Variants in DNM2 observed in about 807,000 individuals in gnomAD.
DNM2 encodes dynamin 2.
In DNM2, 15 loss-of-function variants were observed where a neutral mutation model predicts 99.0. The observed-to-expected ratio is 0.15, with a 90% CI of 0.10 to 0.23. The LOEUF (loss-of-function observed/expected upper bound fraction) is 0.23. Among genes scored for constraint, DNM2 ranks in the 10% least tolerant of loss-of-function variants. The pLI is 1.00. For missense variants in DNM2, 742 were observed against 1,189.4 expected, an observed-to-expected ratio of 0.62 and a Z score of 5.53; for synonymous variants, 525 against 481.2, an observed-to-expected ratio of 1.09 and a Z score of -1.19.
rs1314782724 is a variant in DNM2 at position 10,765,427 on chromosome 19, T to A, written c.235+5616T>A. ...TTCTTGCCTACTGGGCGGGAAGTGA[T>A]GGGGGTTACTTTACCAAGCATCTTC... On this transcript the variant is annotated intron_variant, in intron 2 of 20. Transcript: ENST00000389253. The surrounding 1 kb of genome is among the most constrained non-coding windows in gnomAD (Gnocchi z 4.4). Among the ~76,000 whole-genome samples the A allele has an allele frequency of 6.6e-6, 1 of 152,000 alleles. No homozygotes were observed. The highest frequency in any genetic ancestry group is 2.4e-5 in the African/African-American group (1 of 41,356).
chr19:10,801,382 G>A (rs1324480385), intron 11 of DNM2, among the ~76,000 whole-genome samples: 1 of 152,088 alleles, frequency 6.6e-6, no homozygotes, highest in African/African-American at 2.4e-5. Flanking sequence ...CACTTTGGGA[G>A]GCCAAGGTAG....
rs1428475120 is a variant in DNM2, at chr19:10,795,458, G to A, written c.1196+19G>A. On this transcript the variant is annotated intron_variant, in intron 9 of 20. Coordinates refer to ENST00000389253, the MANE Select transcript of DNM2 (RefSeq NM_001005361.3). This position sits in a 1 kb window ranked among gnomAD's most constrained non-coding sequence, Gnocchi z 4.2. ...GAGTCAGGCAAGTTCCACGAGGAGA[G>A]TCACCACTGTTCCTTCCTCTCCGTG... is the stretch of plus-strand genomic sequence containing the variant. The A allele has an allele frequency of 1.9e-5, 30 of 1,613,800 alleles. No individual in the cohort carries two copies. The highest frequency in any genetic ancestry group is 2.4e-5 in the Non-Finnish European group (28 of 1,179,934).
intron 1 of DNM2, among the ~76,000 whole-genome samples, chr19:10,730,264 C>G (rs564043884): frequency 1.1e-3 from 166 of 152,214 alleles, no homozygotes; most frequent in African/African-American, 3.9e-3. Context: ...ATGGCTTGAG[C>G]TCAGGAGTTT....
chr19:10,736,521 C>T (rs1228421223), intron 1 of DNM2, among the ~76,000 whole-genome samples: 2 of 152,196 alleles, frequency 1.3e-5, no homozygotes. Flanking sequence ...TTTGCCTCCA[C>T]ATATATATTT....
At chr19:10,784,499 G>A (rs1387066809) in intron 6 of DNM2, among the ~76,000 whole-genome samples, 1 of 152,190 alleles carries the variant, frequency 6.6e-6, no homozygotes, top group African/African-American at 2.4e-5. Flanking sequence ...AGTCCAGCTG[G>A]CCTCCAGGGA....
chr19:10,732,107 A>G (rs1254849332), intron 1 of DNM2, among the ~76,000 whole-genome samples: 1 of 151,452 alleles, frequency 6.6e-6, no homozygotes, highest in East Asian at 2.0e-4. Flanking sequence ...GGCGTGCACC[A>G]TCACACCCGG....
intron 2 of DNM2, among the ~76,000 whole-genome samples, chr19:10,766,451 T>C (rs11670097): frequency 0.36 from 54,303 of 151,990 alleles, 10,694 homozygotes; most frequent in East Asian, 0.56. Flanking sequence ...AGCTTGCACC[T>C]GTGGCTCCCT....
At chr19:10,734,933 A>C in intron 1 of DNM2, among the ~76,000 whole-genome samples, 1 of 151,406 alleles carries the variant, frequency 6.6e-6, no homozygotes, top group Non-Finnish European at 1.5e-5. Context: ...ATGTCCCTCA[A>C]TTAGGGCTTA....
chr19:10,728,424 G>A (rs996290565), intron 1 of DNM2, among the ~76,000 whole-genome samples: 16 of 152,196 alleles, frequency 1.1e-4, no homozygotes, highest in African/African-American at 3.9e-4. Flanking sequence ...GGGTGGGAAG[G>A]TGTGGGCCTG....
intron 1 of DNM2, among the ~76,000 whole-genome samples, chr19:10,720,173 T>C (rs2068889682): frequency 6.6e-6 from 1 of 152,090 alleles, no homozygotes; most frequent in Non-Finnish European, 1.5e-5. Context: ...TAAGTCTTGG[T>C]TGACTCTCCT....
intron 1 of DNM2, among the ~76,000 whole-genome samples, chr19:10,732,912 T>A (rs1316688596): frequency 1.3e-5 from 2 of 151,766 alleles, no homozygotes; most frequent in Non-Finnish European, 2.9e-5. Context: ...AGACAAAGTC[T>A]CGCTCTTGTT....
At chr19:10,725,461 A>T (rs999406985) in intron 1 of DNM2, among the ~76,000 whole-genome samples, 2 of 150,262 alleles carry the variant, frequency 1.3e-5, no homozygotes, top group African/African-American at 2.4e-5. Context: ...AAAAAAAAAA[A>T]GGAAAAAAGG....
chr19:10,755,485 CAG>C (rs922411376), intron 1 of DNM2: 56 of 145,272 alleles, frequency 3.9e-4, no homozygotes, highest in African/African-American at 1.4e-3. Flanking sequence ...TTTTTTGAGA[CAG>C]AGTCGTTCTG....
chr19:10,820,878 A>G lies in DNM2; in HGVS notation c.1781+789A>G, dbSNP rs1451380324. 1.3e-5 allele frequency among the ~76,000 whole-genome samples: 2 copies of G among 152,236 alleles called. No homozygotes were observed. Reference sequence around the variant, plus strand: ...GGAGGCCCCAGGAAGCTCACAGTACATCTGTCCCATGAGGCGTAGCTGGAG... The same window carrying G: ...GGAGGCCCCAGGAAGCTCACAGTACGTCTGTCCCATGAGGCGTAGCTGGAG... On this transcript the variant is annotated intron_variant, in intron 16 of 20. Transcript: ENST00000389253. This position sits in a 1 kb window ranked among gnomAD's most constrained non-coding sequence, Gnocchi z 4.3.
In DNM2 at chr19:10,793,867, C is replaced by CG. The variant is rs1568304381; in HGVS notation, c.1128+16dup. ...TTGAGCTGGTGAAGGTAGTGCCCCC[C>CG]GGGGCTGGGCCCTCCCGTCTCTGGT... On this transcript the variant is annotated intron_variant, in intron 8 of 20. Transcript: ENST00000389253. 6.2e-7 allele frequency: 1 copy of CG among 1,614,056 alleles called. No individual in the cohort carries two copies. The highest frequency in any genetic ancestry group is 1.1e-5 in the South Asian group (1 of 91,080).
chr19:10,736,229 C>T (rs1434286427), intron 1 of DNM2, among the ~76,000 whole-genome samples: 2 of 148,916 alleles, frequency 1.3e-5, no homozygotes, highest in Non-Finnish European at 1.5e-5. Flanking sequence ...CGCGCTATTG[C>T]ACTCCAGCCT....
Position 10,811,696 on chromosome 19 carries a change from GA to G in DNM2, c.1558-567del. On this transcript the variant is annotated intron_variant, in intron 14 of 20. Transcript: ENST00000389253. This position sits in a 1 kb window ranked among gnomAD's most constrained non-coding sequence, Gnocchi z 5.4. ...GAGTCCCTGCGCAGGCCTGGGTTCTGACCCCCACGCAGATGACAGCTACAGC... is the reference window on the plus strand; with the variant it reads ...GAGTCCCTGCGCAGGCCTGGGTTCTGCCCCCACGCAGATGACAGCTACAGC... The G allele has an allele frequency of 3.9e-6, 2 of 517,538 alleles. No individual in the cohort carries two copies. The highest frequency in any genetic ancestry group is 7.7e-6 in the Non-Finnish European group (2 of 259,374). 32.1% of individuals were successfully genotyped at this position (517,538 alleles called of 1,614,324 possible). A position where few individuals can be genotyped will look rare whatever the true frequency, so the allele number is the denominator to read the frequency against.
At chr19:10,823,712 A>G in intron 16 of DNM2, 76 bp from the exon 17 acceptor site, 2 of 1,442,688 alleles carry the variant, frequency 1.4e-6, no homozygotes, top group Non-Finnish European at 2.0e-6. Flanking sequence ...AGACCCCTAG[A>G]GCCCATTCCT....
chr19:10,760,827 ATTT>A (rs57290103), intron 2 of DNM2, among the ~76,000 whole-genome samples: 1 of 41,258 alleles, frequency 2.4e-5, no homozygotes, highest in African/African-American at 9.4e-5. Flanking sequence ...CACCCAGCTG[ATTT>A]TTTTTTTTTT....
Sources: gnomAD v4.1 joint callset for allele counts (sites outside exome capture counted in the v4.1 genomes callset) on GRCh38, gnomAD v4.1.1 for gene constraint, Gnocchi (gnomAD v3.1) non-coding constraint, MANE v1.5 for transcripts, NCBI Gene and HGNC (gene_info 2026-07-23, HGNC 2026-07-21) for gene names.